Variants in IRAG2 observed in about 807,000 individuals in gnomAD.
IRAG2 encodes lymphoid restricted membrane protein.
IRAG2 carries 45 observed loss-of-function variants against 69.9 expected under a neutral mutation model. The observed-to-expected ratio is 0.64, with a 90% CI of 0.51 to 0.83. The LOEUF (loss-of-function observed/expected upper bound fraction) is 0.83, where lower values mean the gene tolerates loss of function less well. IRAG2 is among the 40% of genes least tolerant of loss of function. The pLI is 0.00. For synonymous variants in IRAG2, 193 were observed against 202.4 expected (o/e 0.95, Z 0.40); for missense variants, 520 against 587.0 (o/e 0.89, Z 1.18).
chr12:25,104,791 CATCT>C (rs2140258255), intron 20 of IRAG2, among the ~76,000 whole-genome samples: 1 of 152,114 alleles, frequency 6.6e-6, no homozygotes, highest in East Asian at 1.9e-4. Flanking sequence ...GTAAAATGTC[CATCT>C]ATTTATATAT....
At chr12:25,006,923 G>A (rs1167188471) in intron 2 of IRAG2, among the ~76,000 whole-genome samples, 2 of 152,088 alleles carry the variant, frequency 1.3e-5, no homozygotes, top group Non-Finnish European at 2.9e-5. Context: ...ATGCTCATTT[G>A]TAATAAAATT....
exon 9 of IRAG2, chr12:25,026,828 A>G (rs1427219981): frequency 8.1e-7 from 1 of 1,229,656 alleles, no homozygotes; most frequent in African/African-American, 1.6e-5. Context: ...ACTGGAAAAG[A>G]AGATTGAAGA....
At chr12:25,062,678 C>G in intron 2 of IRAG2, 142 bp from the exon 3 acceptor site, 1 of 393,722 alleles carries the variant, frequency 2.5e-6, no homozygotes, top group Non-Finnish European at 4.5e-6. Context: ...AATGTGTTCC[C>G]TTGGAGTAGA....
At chr12:25,027,272 A>G (rs1233260056) in intron 9 of IRAG2, among the ~76,000 whole-genome samples, 1 of 152,056 alleles carries the variant, frequency 6.6e-6, no homozygotes, top group Non-Finnish European at 1.5e-5. Flanking sequence ...AGATTTGTCT[A>G]TTCTGGACAT....
At chr12:25,049,728 T>C (rs1944825361), upstream of IRAG2, among the ~76,000 whole-genome samples, 1 of 152,182 alleles carries the variant, frequency 6.6e-6, no homozygotes, top group Admixed American at 6.5e-5. Flanking sequence ...GGCTCACGCC[T>C]GTAATCCCAG....
intron 10 of IRAG2, among the ~76,000 whole-genome samples, chr12:25,083,847 A>G (rs1947385684): frequency 6.6e-6 from 1 of 152,266 alleles, no homozygotes; most frequent in African/African-American, 2.4e-5. Flanking sequence ...ATGAAGTTGA[A>G]TAAAACGGTG....
intron 13 of IRAG2, chr12:25,034,060 T>C (rs190357312): frequency 3.5e-5 from 14 of 395,966 alleles, no homozygotes; most frequent in African/African-American, 2.9e-4. Context: ...ACTGAGAGAA[T>C]GTGCTGATAG....
intron 16 of IRAG2, among the ~76,000 whole-genome samples, chr12:25,045,430 G>A (rs1040521466): frequency 3.3e-5 from 5 of 151,836 alleles, no homozygotes; most frequent in Non-Finnish European, 5.9e-5. Context: ...AAATAGAAAA[G>A]CAATTAAAAA....
At chr12:25,052,386 A>C, upstream of IRAG2, 1 of 398,456 alleles carries the variant, frequency 2.5e-6, no homozygotes, top group Admixed American at 4.4e-5. Flanking sequence ...TTCAGGGGAC[A>C]TCTCCTCAGA....
intron 1 of IRAG2, chr12:25,004,966 T>C (rs1196634629): frequency 1.8e-6 from 2 of 1,111,150 alleles, no homozygotes; most frequent in Non-Finnish European, 1.1e-6. Context: ...AATAAACATA[T>C]CTACTTTTAG....
In IRAG2 at chr12:25,062,802, AC is replaced by A. The variant is rs1945712244; in HGVS notation, c.-384-16del. 2 of 398,732 alleles carry A rather than the reference AC, an allele frequency of 5.0e-6. No individual in the cohort carries two copies. Among genetic ancestry groups the A allele is most frequent in the South Asian group, 2.5e-4 (2 of 7,858 alleles). 24.7% of individuals were successfully genotyped at this position (398,732 alleles called of 1,614,324 possible). ...ATCATTCTGTCTTTGAATACACTCT[AC>A]CATTTTCTCTTGACAGAGCTTTTTA... is the stretch of plus-strand genomic sequence containing the variant. On this transcript the variant is annotated splice_polypyrimidine_tract_variant and intron_variant, in intron 2 of 21. Coordinates refer to ENST00000556887, the MANE Select transcript of IRAG2 (RefSeq NM_001366544.2).
chr12:25,046,251 GAAC>G (rs1287517100), intron 16 of IRAG2, among the ~76,000 whole-genome samples: 7 of 152,092 alleles, frequency 4.6e-5, no homozygotes, highest in African/African-American at 1.7e-4. Context: ...AAAACTCAGT[GAAC>G]ATCACTCAAT....
Position 25,083,465 on chromosome 12 carries a change from C to T in IRAG2, c.287C>T (p.Thr96Met), listed in dbSNP as rs749212707. ...AHDNIAFQDS[T>M]SKDKTILNLE... ...GATAATATTGCATTCCAAGACTCTA[C>T]GAGTAAGGATAAAACCATATTAAAT... Residue 96 changes from threonine (T) to methionine (M), a missense_variant, in exon 10 of 22, where the codon ACG becomes ATG. Coordinates refer to ENST00000556887, the MANE Select transcript of IRAG2 (RefSeq NM_001366544.2). The T allele has an allele frequency of 6.2e-6, 10 of 1,610,540 alleles. No individual in the cohort carries two copies. Among genetic ancestry groups the T allele is most frequent in the African/African-American group, 1.3e-5 (1 of 74,816 alleles).
chr12:25,064,534 C>T (rs2139991986), intron 4 of IRAG2, among the ~76,000 whole-genome samples: 1 of 152,226 alleles, frequency 6.6e-6, no homozygotes, highest in Non-Finnish European at 1.5e-5. Context: ...AGTGACACCT[C>T]TCAGGATAAC....
At chr12:25,027,124 G>A (rs11047768) in intron 9 of IRAG2, among the ~76,000 whole-genome samples, 40,608 of 151,202 alleles carry the variant, frequency 0.27, 6,398 homozygotes, top group Admixed American at 0.43. Context: ...GTTTTAGTAC[G>A]TTCACAGAGT....
intron 8 of IRAG2, among the ~76,000 whole-genome samples, chr12:25,025,312 C>T (rs1056300182): frequency 6.6e-6 from 1 of 152,196 alleles, no homozygotes; most frequent in Non-Finnish European, 1.5e-5. Context: ...GGAGGTTTAT[C>T]TGTGAAAGAG....
intron 16 of IRAG2, 62 bp from the exon 17 acceptor site, chr12:25,102,136 G>A (rs1410948723): frequency 6.9e-6 from 9 of 1,302,968 alleles, no homozygotes; most frequent in South Asian, 4.8e-5. Context: ...GAATTAAGAC[G>A]TTGCTTTAAC....
intron 16 of IRAG2, 63 bp from the exon 17 acceptor site, chr12:25,102,135 C>T (rs945107220): frequency 1.7e-5 from 22 of 1,274,838 alleles, no homozygotes; most frequent in South Asian, 6.1e-5. Flanking sequence ...AGAATTAAGA[C>T]GTTGCTTTAA....
At chr12:25,021,091 C>CTTTTTTTTTTTT (rs71063389) in intron 7 of IRAG2, 283 of 265,502 alleles carry the variant, frequency 1.1e-3, no homozygotes, top group Middle Eastern at 3.2e-3. Context: ...TCTTTCTTTT[C>CTTTTTTTTTTTT]TTTTTTTTTT....
Sources: gnomAD v4.1 joint callset for allele counts (sites outside exome capture counted in the v4.1 genomes callset) on GRCh38, gnomAD v4.1.1 for gene constraint, MANE v1.5 for transcripts, NCBI Gene and HGNC (gene_info 2026-07-23, HGNC 2026-07-21) for gene names.